Variants in ADNP observed in about 807,000 individuals in gnomAD.
ADNP encodes the protein activity-dependent neuroprotector homeobox protein.
ADNP carries 4 observed loss-of-function variants against 84.9 expected under a neutral mutation model. The ratio of observed to expected loss-of-function variants is 0.05; its 90% confidence interval spans 0.02 to 0.11. ADNP has a LOEUF of 0.11. Ranked by LOEUF, ADNP falls within the 10% of genes least tolerant of loss-of-function variation. The pLI is 1.00. For synonymous variants in ADNP, 554 were observed against 468.1 expected (o/e 1.18, Z -2.37); for missense variants, 1,132 against 1,326.0 (o/e 0.85, Z 2.27).
intron 2 of ADNP, among the ~76,000 whole-genome samples, chr20:50,905,909 T>C (rs1982428221): frequency 6.6e-6 from 1 of 152,166 alleles, no homozygotes. Context: ...TATCACTTGC[T>C]TAATTTAAAA....
chr20:50,922,671 C>G (rs1348548249), intron 2 of ADNP, among the ~76,000 whole-genome samples: 1 of 151,570 alleles, frequency 6.6e-6, no homozygotes, highest in Non-Finnish European at 1.5e-5. Context: ...CCTCTGCCTC[C>G]CGGGTTTGAG....
At chr20:50,901,940 C>A in intron 5 of ADNP, 77 bp downstream of exon 5, 1 of 1,084,254 alleles carries the variant, frequency 9.2e-7, no homozygotes, top group Non-Finnish European at 1.4e-6. Context: ...ATCACTGCAC[C>A]GCTATAAAAG....
intron 2 of ADNP, among the ~76,000 whole-genome samples, chr20:50,919,646 T>A (rs1983803381): frequency 6.6e-6 from 1 of 151,394 alleles, no homozygotes; most frequent in Non-Finnish European, 1.5e-5. Context: ...GGAGGCTTCA[T>A]GTTTAGTTCA....
intron 2 of ADNP, among the ~76,000 whole-genome samples, chr20:50,919,832 G>A (rs1416189041): frequency 2.0e-5 from 3 of 152,174 alleles, no homozygotes; most frequent in Non-Finnish European, 2.9e-5. Context: ...AAGCTTCTGA[G>A]TAACAAGGAA....
intron 4 of ADNP, 70 bp downstream of exon 4, chr20:50,903,819 T>G: frequency 8.6e-7 from 1 of 1,156,528 alleles, no homozygotes; most frequent in Non-Finnish European, 1.3e-6. Context: ...TTAGCCATCT[T>G]GGCCACTGAC....
Position 50,930,928 on chromosome 20 carries a change from G to C in ADNP, c.-367C>G, listed in dbSNP as rs1984701723. Reference sequence around the variant, plus strand: ...GGCGGCACGGCGGTGGCGGCAGCGGGGAGGGCGCGCCCGGGGCCTCGTCGC... The same window carrying C: ...GGCGGCACGGCGGTGGCGGCAGCGGCGAGGGCGCGCCCGGGGCCTCGTCGC... On this transcript the variant is annotated 5_prime_UTR_variant, in exon 1 of 6. Transcript: ENST00000621696. The C allele has an allele frequency of 7.0e-6, 1 of 143,484 alleles. No homozygotes were observed. The allele number at this position is 143,484 out of a possible 1,614,324, so 8.9% of individuals were successfully genotyped here. A position where few individuals can be genotyped will look rare whatever the true frequency, so the allele number is the denominator to read the frequency against.
chr20:50,894,057 A>C lies in ADNP; in HGVS notation c.657T>G (p.Ser219Arg). 6.2e-7 allele frequency: 1 copy of C among 1,613,934 alleles called. No homozygotes were observed. Among genetic ancestry groups the C allele is most frequent in the Non-Finnish European group, 8.5e-7 (1 of 1,179,964 alleles). ...VPLGSNAREE[S>R]SIHCKRCLFM... ...AAAGGCATCGCTTGCAGTGAATACTACTCTCTTCTCGGGCATTCGAGCCTA... is the reference window on the plus strand; with the variant it reads ...AAAGGCATCGCTTGCAGTGAATACTCCTCTCTTCTCGGGCATTCGAGCCTA... The change falls in exon 6 of 6, where the codon AGT (serine) becomes AGG (arginine). Residue 219 changes from serine (S) to arginine (R), a missense_variant. Around this residue, in one of 10 missense-constraint regions of ADNP, gnomAD observed 130 missense variants for 183.7 expected, o/e 0.71. Transcript: ENST00000621696.
Position 50,913,943 on chromosome 20 carries a change from A to G in ADNP, c.-89-9094T>C, listed in dbSNP as rs551813152. 5.8e-6 allele frequency: 4 copies of G among 688,608 alleles called. No individual in the cohort carries two copies. The South Asian group carries it at 6.2e-5, about 11-fold the overall frequency. 42.7% of individuals were successfully genotyped at this position (688,608 alleles called of 1,614,324 possible). A position where few individuals can be genotyped will look rare whatever the true frequency, so the allele number is the denominator to read the frequency against. ...CAGTGAATGATAAAGACTATGCGAGATTGGTCTCCTCTTCAGACTGCTGTT... is the reference window on the plus strand; with the variant it reads ...CAGTGAATGATAAAGACTATGCGAGGTTGGTCTCCTCTTCAGACTGCTGTT... On this transcript the variant is annotated intron_variant, in intron 2 of 5. Coordinates refer to ENST00000621696, the MANE Select transcript of ADNP (RefSeq NM_001282531.3).
Position 50,893,093 on chromosome 20 carries a change from C to T in ADNP, c.1621G>A (p.Gly541Arg). 6.2e-7 allele frequency: 1 copy of T among 1,614,216 alleles called. No individual in the cohort carries two copies. ...MRMVHIDEEM[G>R]PKTDSTLSFD... is the part of the protein sequence containing the mutation. ...CTCAAAGTAGAATCTGTTTTAGGTCCCATCTCTTCATCAATGTGAACCATC... is the reference window on the plus strand; with the variant it reads ...CTCAAAGTAGAATCTGTTTTAGGTCTCATCTCTTCATCAATGTGAACCATC... The change falls in exon 6 of 6, where the codon GGA (glycine) becomes AGA (arginine). Residue 541 changes from glycine to arginine, a missense_variant. Around this residue, in one of 10 missense-constraint regions of ADNP, gnomAD observed 87 missense variants for 181.4 expected, o/e 0.48. Coordinates refer to ENST00000621696, the MANE Select transcript of ADNP (RefSeq NM_001282531.3). The surrounding 1 kb of genome is among the most constrained non-coding windows in gnomAD (Gnocchi z 4.4).
Position 50,889,860 on chromosome 20 carries a change from C to T in ADNP, c.*1545G>A. The stretch of plus-strand genomic sequence containing the variant: ...CAGTGCTGTGCTCTTCAAAGCCTTT[C>T]CCTTAATAGCAAGAGGGCCAAGAGT... On this transcript the variant is annotated 3_prime_UTR_variant, in exon 6 of 6. Transcript: ENST00000621696. The T allele has an allele frequency of 5.0e-6, 2 of 398,512 alleles. No homozygotes were observed. The highest frequency in any genetic ancestry group is 8.8e-6 in the Non-Finnish European group (2 of 226,036). 24.7% of individuals were successfully genotyped at this position (398,512 alleles called of 1,614,324 possible).
At chr20:50,919,357 C>T (rs1285861790) in intron 2 of ADNP, among the ~76,000 whole-genome samples, 1 of 149,208 alleles carries the variant, frequency 6.7e-6, no homozygotes, top group African/African-American at 2.5e-5. Context: ...ATAGTCCCAG[C>T]TACTTGGGAG....
At chr20:50,908,072 A>C (rs1461499965) in intron 2 of ADNP, among the ~76,000 whole-genome samples, 4 of 151,462 alleles carry the variant, frequency 2.6e-5, no homozygotes, top group Non-Finnish European at 4.4e-5. Flanking sequence ...CATTTCTCTA[A>C]GATTTTCTCC....
chr20:50,908,753 G>A (rs560741651), intron 2 of ADNP, among the ~76,000 whole-genome samples: 40 of 151,870 alleles, frequency 2.6e-4, no homozygotes, highest in Non-Finnish European at 4.4e-4. Flanking sequence ...CAGCCTGGGC[G>A]ACAGAGTGAG....
intron 2 of ADNP, among the ~76,000 whole-genome samples, chr20:50,919,750 C>A (rs1017005117): frequency 3.3e-5 from 5 of 152,096 alleles, no homozygotes; most frequent in African/African-American, 1.2e-4. Flanking sequence ...TGGCGCAGTT[C>A]CAGAGGCCGG....
chr20:50,891,641 GCTCT>G lies in ADNP; in HGVS notation c.3069_3072del (p.Arg1023SerfsTer3), dbSNP rs1279657093. ...TAGGAACTATTCTTCCATTTCAACT[GCTCT>G]CTGTCACCTTGCATGGTAGCCTTTT... On this transcript the variant is annotated frameshift_variant, in exon 6 of 6. Transcript: ENST00000621696. LOFTEE classifies it high-confidence loss of function. 9.3e-6 allele frequency: 15 copies of G among 1,613,998 alleles called. No homozygotes were observed. Among genetic ancestry groups the G allele is most frequent in the Admixed American group, 3.3e-5 (2 of 60,006 alleles).
At chr20:50,896,587 T>C (rs75863917) in intron 5 of ADNP, among the ~76,000 whole-genome samples, 2 of 151,984 alleles carry the variant, frequency 1.3e-5, no homozygotes, top group Non-Finnish European at 2.9e-5. Context: ...TTTAAAAACA[T>C]TTTTTTTCTT....
intron 5 of ADNP, among the ~76,000 whole-genome samples, chr20:50,897,848 C>T (rs544124158): frequency 2.0e-5 from 3 of 152,302 alleles, no homozygotes; most frequent in Admixed American, 6.5e-5. Context: ...ACTACTTCTC[C>T]ACTTCGCAGG....
chr20:50,917,219 C>A (rs1329299208), intron 2 of ADNP, among the ~76,000 whole-genome samples: 1 of 152,206 alleles, frequency 6.6e-6, no homozygotes, highest in Non-Finnish European at 1.5e-5. Context: ...GCCAGAACTT[C>A]AATACCCAAG....
At chr20:50,913,818 C>T in intron 2 of ADNP, 1 of 501,938 alleles carries the variant, frequency 2.0e-6, no homozygotes, top group Non-Finnish European at 3.8e-6. Context: ...GGCCAATAAA[C>T]CCCTGGCTAT....
Sources: allele counts gnomAD v4.1 joint callset (sites outside exome capture counted in the v4.1 genomes callset), GRCh38; gene constraint gnomAD v4.1.1; regional missense constraint gnomAD v4.1.1; non-coding constraint Gnocchi (gnomAD v3.1); transcripts MANE v1.5; gene names NCBI Gene and HGNC (gene_info 2026-07-23, HGNC 2026-07-21).